The following MACROD2 variants were observed in gnomAD, a reference collection of about 807,000 sequenced individuals.
MACROD2 encodes mono-ADP ribosylhydrolase 2.
In MACROD2, 36 loss-of-function variants were observed where a neutral mutation model predicts 70.4. The ratio of observed to expected loss-of-function variants is 0.51; its 90% CI spans 0.39 to 0.68. MACROD2 has a LOEUF of 0.68. Among genes scored for constraint, MACROD2 ranks in the 30% least tolerant of loss-of-function variants. The pLI, the probability that MACROD2 is intolerant of heterozygous loss-of-function variation, is 0.00. For missense variants in MACROD2, 496 were observed against 538.4 expected, an observed-to-expected ratio of 0.92 and a Z score of 0.78; for synonymous variants, 172 against 178.8, an observed-to-expected ratio of 0.96 and a Z score of 0.30.
At chr20:15,664,420 C>A (rs972032500) in intron 8 of MACROD2, among the ~76,000 whole-genome samples, 1 of 152,060 alleles carries the variant, frequency 6.6e-6, no homozygotes, top group African/African-American at 2.4e-5. Flanking sequence ...AATTGAGATC[C>A]CTAAATTGGG....
chr20:14,361,829 T>C (rs186108178), intron 3 of MACROD2, among the ~76,000 whole-genome samples: 56 of 152,346 alleles, frequency 3.7e-4, no homozygotes, highest in African/African-American at 1.3e-3. Flanking sequence ...ACTCAGTAGC[T>C]AGGCATTCTT....
intron 8 of MACROD2, among the ~76,000 whole-genome samples, chr20:15,591,082 T>C (rs6079897): frequency 0.086 from 13,066 of 152,228 alleles, 689 homozygotes; most frequent in East Asian, 0.18. Context: ...ATTTGTTTAG[T>C]TGAGACCAGC....
chr20:15,020,833 A>G (rs2075161104), intron 5 of MACROD2, among the ~76,000 whole-genome samples: 1 of 151,856 alleles, frequency 6.6e-6, no homozygotes, highest in Admixed American at 6.6e-5. Flanking sequence ...CCATTGTCAT[A>G]TATGTAGTCT....
At chr20:14,628,852 T>C (rs181638123) in intron 4 of MACROD2, 4 of 152,224 alleles carry the variant, frequency 2.6e-5, no homozygotes, top group African/African-American at 9.6e-5. Context: ...AATTAGAAGA[T>C]ACTATTTAGT....
At chr20:15,855,974 G>A (rs2064352357) in intron 8 of MACROD2, among the ~76,000 whole-genome samples, 1 of 152,096 alleles carries the variant, frequency 6.6e-6, no homozygotes. Context: ...TGCAAATAGT[G>A]CTGCTATGAA....
Position 14,326,045 on chromosome 20 carries a change from A to G in MACROD2, c.272-167434A>G, listed in dbSNP as rs1601480896. On this transcript the variant is annotated intron_variant, in intron 3 of 17. Transcript: ENST00000684519. The surrounding 1 kb of genome is among the most constrained non-coding windows in gnomAD (Gnocchi z 5.5). The stretch of plus-strand genomic sequence containing the variant: ...CAAACAGGAGTTTCATCAAATAGGT[A>G]GAGGTTGCTGGTTTCCATGGGAACC... The G allele has an allele frequency of 6.2e-7, 1 of 1,613,952 alleles. No homozygotes were observed. Among genetic ancestry groups the G allele is most frequent in the Non-Finnish European group, 8.5e-7 (1 of 1,179,890 alleles).
At chr20:14,691,003 C>T (rs1023482415) in intron 5 of MACROD2, among the ~76,000 whole-genome samples, 2 of 152,158 alleles carry the variant, frequency 1.3e-5, no homozygotes, top group Admixed American at 1.3e-4. Flanking sequence ...CTGCAACCTC[C>T]GCCTCCTGGG....
At chr20:14,017,353 A>G (rs1465933298) in intron 2 of MACROD2, among the ~76,000 whole-genome samples, 5 of 152,074 alleles carry the variant, frequency 3.3e-5, no homozygotes, top group Non-Finnish European at 7.4e-5. Flanking sequence ...AACTTCCAAT[A>G]TTATGTTGGC....
At chr20:14,047,122 A>T (rs2053489772) in intron 2 of MACROD2, among the ~76,000 whole-genome samples, 1 of 152,188 alleles carries the variant, frequency 6.6e-6, no homozygotes, top group South Asian at 2.1e-4. Context: ...ATATAGTTTT[A>T]TGAGTATATA....
At chr20:15,588,384 G>A (rs912498332) in intron 8 of MACROD2, among the ~76,000 whole-genome samples, 2 of 152,160 alleles carry the variant, frequency 1.3e-5, no homozygotes, top group African/African-American at 4.8e-5. Flanking sequence ...CTCTGGCATG[G>A]CCTGGAGACA....
intron 3 of MACROD2, among the ~76,000 whole-genome samples, chr20:14,157,714 A>G (rs900945102): frequency 2.0e-5 from 3 of 152,178 alleles, no homozygotes; most frequent in African/African-American, 4.8e-5. Context: ...TTCACTTAAC[A>G]TAATGACCTC....
At chr20:15,398,357 G>A (rs2045886893) in intron 6 of MACROD2, among the ~76,000 whole-genome samples, 1 of 152,148 alleles carries the variant, frequency 6.6e-6, no homozygotes, top group Non-Finnish European at 1.5e-5. Flanking sequence ...TTGTTATTAA[G>A]TAGTTTAGCT....
intron 6 of MACROD2, among the ~76,000 whole-genome samples, chr20:15,356,371 T>C (rs1463305683): frequency 6.6e-6 from 1 of 152,236 alleles, no homozygotes; most frequent in Admixed American, 6.5e-5. Flanking sequence ...TAATTTATAA[T>C]GTATCAAAAT....
intron 5 of MACROD2, among the ~76,000 whole-genome samples, chr20:14,917,555 G>C (rs1262357331): frequency 6.6e-6 from 1 of 152,000 alleles, no homozygotes. Context: ...GAAGCTCACC[G>C]GGAAGCCTAT....
At chr20:14,978,869 TTATATAATATATAAAATA>T in intron 5 of MACROD2, among the ~76,000 whole-genome samples, 1 of 116,362 alleles carries the variant, frequency 8.6e-6, no homozygotes, top group African/African-American at 3.2e-5. Flanking sequence ...ATATAATATA[TTATATAATATATAAAATA>T]TATATATTAT....
intron 3 of MACROD2, among the ~76,000 whole-genome samples, chr20:14,292,857 A>G (rs1268456579): frequency 1.3e-5 from 2 of 151,258 alleles, no homozygotes; most frequent in African/African-American, 2.4e-5. Context: ...CTGGTCTTGA[A>G]CTCCTGACCT....
chr20:14,872,673 C>G (rs2073502135), intron 5 of MACROD2, among the ~76,000 whole-genome samples: 1 of 151,938 alleles, frequency 6.6e-6, no homozygotes, highest in Admixed American at 6.6e-5. Context: ...TAGTGTAATA[C>G]CTGAAAATTA....
intron 8 of MACROD2, among the ~76,000 whole-genome samples, chr20:15,861,392 G>A (rs1441183002): frequency 1.3e-5 from 2 of 152,180 alleles, no homozygotes; most frequent in African/African-American, 4.8e-5. Context: ...ACAATGACAG[G>A]TTTAGCATTT....
chr20:14,030,476 T>G (rs1410197918), intron 2 of MACROD2, among the ~76,000 whole-genome samples: 3 of 152,250 alleles, frequency 2.0e-5, no homozygotes, highest in East Asian at 3.9e-4. Context: ...TGGCGTGATT[T>G]CGGCTAGCTG....
Sources: gnomAD v4.1 joint callset for allele counts (sites outside exome capture counted in the v4.1 genomes callset) on GRCh38, gnomAD v4.1.1 for gene constraint, Gnocchi (gnomAD v3.1) non-coding constraint, MANE v1.5 for transcripts, NCBI Gene and HGNC (gene_info 2026-07-23, HGNC 2026-07-21) for gene names.